The following CHD5 variants were observed in gnomAD, a reference collection of about 807,000 sequenced individuals.
CHD5 encodes chromodomain helicase DNA binding protein 5.
Under a neutral mutation model 230.3 loss-of-function variants are expected in CHD5, and 69 were observed. The ratio of observed to expected loss-of-function variants is 0.30; its 90% CI spans 0.25 to 0.37. The LOEUF (loss-of-function observed/expected upper bound fraction) is 0.37, where lower values mean the gene tolerates loss of function less well. Ranked by LOEUF, CHD5 falls within the 10% of genes least tolerant of loss-of-function variation. CHD5 has a pLI of 1.00. For synonymous variants in CHD5, 1,064 were observed against 1,065.9 expected (o/e 1.00, Z 0.03); for missense variants, 1,827 against 2,622.8 (o/e 0.70, Z 6.63).
At chr1:6,140,957 C>A (rs1275875354) in intron 15 of CHD5, among the ~76,000 whole-genome samples, 3 of 106,474 alleles carry the variant, frequency 2.8e-5, no homozygotes, top group Non-Finnish European at 5.7e-5. Context: ...CAGAGCGAGA[C>A]CCTGTCTCAA....
At chr1:6,143,797 ACT>A in intron 13 of CHD5, 24 bp downstream of exon 13, 2 of 913,802 alleles carry the variant, frequency 2.2e-6, no homozygotes, top group Non-Finnish European at 3.4e-6. Context: ...AACCCCACCC[ACT>A]GCTGCCCCAC....
rs1008533488 is a variant in CHD5 at position 6,142,855 on chromosome 1, T to C, written c.2044-250A>G. On this transcript the variant is annotated intron_variant, in intron 13 of 41. Coordinates refer to ENST00000262450, the MANE Select transcript of CHD5 (RefSeq NM_015557.3). This position sits in a 1 kb window ranked among gnomAD's most constrained non-coding sequence, Gnocchi z 5.2. ...CCTGTACTTCTCCTATCAGGGAAAT[T>C]TCCCGACTGTTGAATTCTCTGACTC... 6.6e-6 allele frequency among the ~76,000 whole-genome samples: 1 copy of C among 152,132 alleles called. No homozygotes were observed. Among genetic ancestry groups the C allele is most frequent in the African/African-American group, 2.4e-5 (1 of 41,422 alleles).
chr1:6,161,824 C>T (rs1247814421), intron 2 of CHD5, among the ~76,000 whole-genome samples: 2 of 152,184 alleles, frequency 1.3e-5, no homozygotes, highest in African/African-American at 2.4e-5. Flanking sequence ...TTCAGCACCA[C>T]GGACAGAGGC....
In CHD5 at chr1:6,136,769, C is replaced by T; in HGVS notation, c.2533G>A (p.Val845Met). The T allele has an allele frequency of 6.2e-7, 1 of 1,613,522 alleles. No individual in the cohort carries two copies. Among genetic ancestry groups the T allele is most frequent in the Non-Finnish European group, 8.5e-7 (1 of 1,179,556 alleles). ...TTGAGGCGGTGGGCCTCATCTACCACCAGGCAGGCCCACTCGATGGAGCCC... is the reference window on the plus strand; with the variant it reads ...TTGAGGCGGTGGGCCTCATCTACCATCAGGCAGGCCCACTCGATGGAGCCC... Reference protein sequence around the residue: ...ILGSIEWACLVVDEAHRLKNN... With the variant: ...ILGSIEWACLMVDEAHRLKNN... Residue 845 changes from valine to methionine, a missense_variant, in exon 16 of 42, where the codon GTG becomes ATG. By Grantham distance (21) the Val-to-Met change is conservative (BLOSUM62 1). This residue lies in a region of CHD5 where 52 missense variants were observed against 164.5 expected (regional missense o/e 0.32). Transcript: ENST00000262450.
rs146968893 is a variant in CHD5, at chr1:6,164,193, G to A, written c.207+3957C>T. Among the ~76,000 whole-genome samples, 1,466 of 152,290 alleles carry A rather than the reference G, an allele frequency of 9.6e-3. 23 individuals carry two copies. The highest frequency in any genetic ancestry group is 0.033 in the African/African-American group (1,392 of 41,560). The stretch of plus-strand genomic sequence containing the variant: ...CCCTTCCCTCTAGGCCCGATGCTCC[G>A]CACACGCACCGCATCTCCTAAAAAC... On this transcript the variant is annotated intron_variant, in intron 2 of 41. Transcript: ENST00000262450.
rs375308991 is a variant in CHD5 at position 6,146,801 on chromosome 1, A to G, written c.1454T>C (p.Met485Thr). The change falls in exon 10 of 42, where the codon ATG (methionine) becomes ACG (threonine). Residue 485 changes from methionine to threonine, a missense_variant. This residue lies in a region of CHD5 where 657 missense variants were observed against 816.4 expected (regional missense o/e 0.80). Transcript: ENST00000262450. The surrounding 1 kb of genome is among the most constrained non-coding windows in gnomAD (Gnocchi z 5.1). ...CACGTCAGGCCCCGGCAGCCCCACC[A>G]TGAAGGGGGCAGGGGGCTCCGTCCA... ...WRWTEPPAPF[M>T]VGLPGPDVEP... The G allele has an allele frequency of 3.8e-6, 6 of 1,591,324 alleles. No homozygotes were observed. Among genetic ancestry groups the G allele is most frequent in the South Asian group, 2.3e-5 (2 of 88,022 alleles).
Position 6,134,398 on chromosome 1 carries a change from C to A in CHD5, c.3013-139G>T. ...TGCCCACTGAACATGAGACCCACAC[C>A]CGAGCCAGGCCAGGCCCCACAGTGC... On this transcript the variant is annotated intron_variant, in intron 19 of 41. Transcript: ENST00000262450. This position sits in a 1 kb window ranked among gnomAD's most constrained non-coding sequence, Gnocchi z 6.3. The A allele has an allele frequency of 9.1e-7, 1 of 1,095,846 alleles. No individual in the cohort carries two copies. Among genetic ancestry groups the A allele is most frequent in the South Asian group, 1.5e-5 (1 of 67,802 alleles). The allele number at this position is 1,095,846 out of a possible 1,614,324, so 67.9% of individuals were successfully genotyped here. A position where few individuals can be genotyped will look rare whatever the true frequency, so the allele number is the denominator to read the frequency against.
At chr1:6,163,442 C>G (rs1667208329) in intron 2 of CHD5, among the ~76,000 whole-genome samples, 1 of 152,218 alleles carries the variant, frequency 6.6e-6, no homozygotes, top group South Asian at 2.1e-4. Flanking sequence ...CCTCCCCTAC[C>G]AGGGGCTGGC....
intron 11 of CHD5, among the ~76,000 whole-genome samples, chr1:6,145,609 C>T (rs1345765327): frequency 6.6e-6 from 1 of 152,236 alleles, no homozygotes; most frequent in Admixed American, 6.5e-5. Flanking sequence ...ATTGCTAAGG[C>T]ATCCCAGGGA....
At position 6,128,750 on chromosome 1, in the gene CHD5, G is replaced by C; in HGVS notation, c.3619+88C>G. Reference sequence around the variant, plus strand: ...TGCAGAAGAGAGGCTGTGTGTTGGAGCGGGCAGGGACCCAAGCAAGCCCTG... The same window carrying C: ...TGCAGAAGAGAGGCTGTGTGTTGGACCGGGCAGGGACCCAAGCAAGCCCTG... On this transcript the variant is annotated intron_variant, in intron 23 of 41. Coordinates refer to ENST00000262450, the MANE Select transcript of CHD5 (RefSeq NM_015557.3). The surrounding 1 kb of genome is among the most constrained non-coding windows in gnomAD (Gnocchi z 7.8). 3 of 1,293,474 alleles carry C rather than the reference G, an allele frequency of 2.3e-6. No individual in the cohort carries two copies. Among genetic ancestry groups the C allele is most frequent in the Non-Finnish European group, 3.3e-6 (3 of 909,122 alleles). The allele number at this position is 1,293,474 out of a possible 1,614,324, so 80.1% of individuals were successfully genotyped here.
Position 6,155,525 on chromosome 1 carries a change from C to A in CHD5, c.506+74G>T. ...CTACCCCAGGTGCCGGGGCTTCACT[C>A]CTCTGCCTCCCTCCCGACTTGGTAC... is the stretch of plus-strand genomic sequence containing the variant. On this transcript the variant is annotated intron_variant, in intron 4 of 41. Transcript: ENST00000262450. This position sits in a 1 kb window ranked among gnomAD's most constrained non-coding sequence, Gnocchi z 4.0. 1.5e-6 allele frequency: 2 copies of A among 1,341,130 alleles called. No homozygotes were observed. The highest frequency in any genetic ancestry group is 1.7e-5 in the Admixed American group (1 of 59,076). The allele number at this position is 1,341,130 out of a possible 1,614,324, so 83.1% of individuals were successfully genotyped here.
rs1487882943 is a variant in CHD5, at chr1:6,126,569, C to A, written c.4078+3G>T. The A allele has an allele frequency of 6.2e-7, 1 of 1,612,522 alleles. No homozygotes were observed. Among genetic ancestry groups the A allele is most frequent in the Non-Finnish European group, 8.5e-7 (1 of 1,180,006 alleles). ...GCACCAGTCCCTCCCTCCCGGCACG[C>A]ACCCTGGTCCTCCTGGGAGGCATCG... On this transcript the variant is annotated splice_donor_region_variant and intron_variant, in intron 26 of 41. Coordinates refer to ENST00000262450, the MANE Select transcript of CHD5 (RefSeq NM_015557.3). The surrounding 1 kb of genome is among the most constrained non-coding windows in gnomAD (Gnocchi z 5.7).
intron 3 of CHD5, among the ~76,000 whole-genome samples, chr1:6,157,293 T>C (rs138407658): frequency 8.3e-4 from 126 of 152,302 alleles, no homozygotes; most frequent in Non-Finnish European, 1.3e-3. Flanking sequence ...GGAGGCCTGC[T>C]CTCCCTCCTG....
rs1246148552 is a variant in CHD5, at chr1:6,131,873, C to T, written c.3145-125G>A. The T allele has an allele frequency of 6.1e-6, 4 of 650,686 alleles. No homozygotes were observed. The highest frequency in any genetic ancestry group is 1.8e-5 in the African/African-American group (1 of 55,326). 40.3% of individuals were successfully genotyped at this position (650,686 alleles called of 1,614,324 possible). A position where few individuals can be genotyped will look rare whatever the true frequency, so the allele number is the denominator to read the frequency against. ...TGCTAGGTGGGGAGACAGCTGGGAC[C>T]CAGGCAGGCCCAATGCAGGACTCTG... On this transcript the variant is annotated intron_variant, in intron 20 of 41. Transcript: ENST00000262450. The surrounding 1 kb of genome is among the most constrained non-coding windows in gnomAD (Gnocchi z 5.0).
rs1666598059 is a variant in CHD5, at chr1:6,128,419, G to A, written c.3730+80C>T. The A allele has an allele frequency of 7.1e-6, 9 of 1,272,044 alleles. No individual in the cohort carries two copies. The highest frequency in any genetic ancestry group is 1.0e-5 in the Non-Finnish European group (9 of 886,022). 78.8% of individuals were successfully genotyped at this position (1,272,044 alleles called of 1,614,324 possible). A position where few individuals can be genotyped will look rare whatever the true frequency, so the allele number is the denominator to read the frequency against. On this transcript the variant is annotated intron_variant, in intron 24 of 41. Coordinates refer to ENST00000262450, the MANE Select transcript of CHD5 (RefSeq NM_015557.3). The surrounding 1 kb of genome is among the most constrained non-coding windows in gnomAD (Gnocchi z 7.8). ...GCAGTCCCAGGACGCCCAAGTGAGG[G>A]CAGGTCAGGGAACCCCTCCTCTGCA...
At chr1:6,113,673 A>T (rs1666329664) in intron 33 of CHD5, among the ~76,000 whole-genome samples, 1 of 152,212 alleles carries the variant, frequency 6.6e-6, no homozygotes, top group East Asian at 1.9e-4. Flanking sequence ...ACACGGTCCA[A>T]CACCGTGGTC....
chr1:6,148,105 G>A (rs1343755871), intron 9 of CHD5, among the ~76,000 whole-genome samples: 1 of 152,238 alleles, frequency 6.6e-6, no homozygotes, highest in Admixed American at 6.5e-5. Context: ...GTATGCGCAC[G>A]GATGCACGCA....
intron 17 of CHD5, among the ~76,000 whole-genome samples, chr1:6,135,781 C>A (rs965901724): frequency 6.6e-6 from 1 of 152,070 alleles, no homozygotes; most frequent in South Asian, 2.1e-4. Flanking sequence ...GAGGCCGAGA[C>A]GGGCAGATCA....
chr1:6,146,523 G>C lies in CHD5; in HGVS notation c.1591-100C>G. Reference sequence around the variant, plus strand: ...TAGCCCCAGCCCAGGTCCCAGGCAGGACAATCCTCCCGCTCAGCACCACCC... The same window carrying C: ...TAGCCCCAGCCCAGGTCCCAGGCAGCACAATCCTCCCGCTCAGCACCACCC... On this transcript the variant is annotated intron_variant, in intron 10 of 41. Coordinates refer to ENST00000262450, the MANE Select transcript of CHD5 (RefSeq NM_015557.3). This position sits in a 1 kb window ranked among gnomAD's most constrained non-coding sequence, Gnocchi z 5.1. 7.1e-7 allele frequency: 1 copy of C among 1,417,912 alleles called. No homozygotes were observed. Among genetic ancestry groups the C allele is most frequent in the Non-Finnish European group, 9.9e-7 (1 of 1,014,114 alleles). 87.8% of individuals were successfully genotyped at this position (1,417,912 alleles called of 1,614,324 possible).
Sources: gnomAD v4.1 joint callset for allele counts (sites outside exome capture counted in the v4.1 genomes callset) on GRCh38, gnomAD v4.1.1 for gene constraint, gnomAD v4.1.1 regional missense constraint, Gnocchi (gnomAD v3.1) non-coding constraint, MANE v1.5 for transcripts, NCBI Gene and HGNC (gene_info 2026-07-23, HGNC 2026-07-21) for gene names.